FAM120A: variants seen among roughly 807,000 people sequenced by gnomAD.
FAM120A encodes family with sequence similarity 120 member A.
In FAM120A, 15 loss-of-function variants were observed where a neutral mutation model predicts 109.7. That is an observed-to-expected ratio of 0.14 (90% CI 0.09 to 0.21). The LOEUF is 0.21. Ranked by LOEUF, FAM120A falls within the 10% of genes least tolerant of loss-of-function variation. FAM120A has a pLI of 1.00. For missense variants in FAM120A, 899 were observed against 1,439.3 expected (o/e 0.62, Z 6.07); for synonymous variants, 493 against 572.8 (o/e 0.86, Z 1.99).
chr9:93,562,303 A>T lies in FAM120A; in HGVS notation c.3044A>T (p.Gln1015Leu), dbSNP rs748485080. The T allele has an allele frequency of 6.2e-7, 1 of 1,612,490 alleles. No homozygotes were observed. Among genetic ancestry groups the T allele is most frequent in the South Asian group, 1.1e-5 (1 of 91,014 alleles). Residue 1015 changes from glutamine to leucine, a missense_variant and splice_region_variant, in exon 17 of 18, where the codon CAG (glutamine) becomes CTG (leucine). By Grantham distance (113) the Gln-to-Leu change is moderately radical. Transcript: ENST00000277165. ...GGTTACAAAAACCAGGCAGCAATTC[A>T]GGTAAGAAGACAACATGATGTTTGT... ...GRGYKNQAAI[Q>L]GRPPYAASAE...
chr9:93,452,098 C>T lies in FAM120A; in HGVS notation c.183C>T (p.Phe61=). The T allele has an allele frequency of 6.2e-7, 1 of 1,609,662 alleles. No individual in the cohort carries two copies. Among genetic ancestry groups the T allele is most frequent in the Non-Finnish European group, 8.5e-7 (1 of 1,179,132 alleles). ...DNCLHRLYGG[F]YTDWVSGGQW... is the part of the protein sequence containing the mutation. ...GCCTGCACCGCCTCTACGGCGGCTT[C>T]TACACCGACTGGGTCAGCGGCGGCC... The change falls in exon 1 of 18, where the codon TTC becomes TTT. Residue 61 remains phenylalanine (F), a synonymous_variant. Transcript: ENST00000277165. The surrounding 1 kb of genome is among the most constrained non-coding windows in gnomAD (Gnocchi z 7.0).
intron 3 of FAM120A, among the ~76,000 whole-genome samples, chr9:93,479,249 C>T (rs1240683420): frequency 6.6e-6 from 1 of 151,856 alleles, no homozygotes; most frequent in East Asian, 1.9e-4. Flanking sequence ...CAGGCGCCCG[C>T]CACTACGCCC....
At chr9:93,561,346 T>C in intron 16 of FAM120A, 96 bp downstream of exon 16, 1 of 1,081,324 alleles carries the variant, frequency 9.2e-7, no homozygotes. Context: ...CATTTTTATA[T>C]CATTAGATAC....
chr9:93,455,289 G>A (rs1319048044), intron 1 of FAM120A, among the ~76,000 whole-genome samples: 1 of 152,162 alleles, frequency 6.6e-6, no homozygotes, highest in Non-Finnish European at 1.5e-5. Flanking sequence ...GTTCAAAAGG[G>A]ATGATTATAA....
At chr9:93,535,658 T>G (rs1861488205) in intron 10 of FAM120A, among the ~76,000 whole-genome samples, 1 of 152,316 alleles carries the variant, frequency 6.6e-6, no homozygotes, top group Admixed American at 6.5e-5. Flanking sequence ...AAATTGAACT[T>G]GTTTCATGCG....
intron 3 of FAM120A, among the ~76,000 whole-genome samples, chr9:93,488,563 C>A (rs1000595892): frequency 2.0e-5 from 3 of 152,152 alleles, no homozygotes; most frequent in Non-Finnish European, 4.4e-5. Context: ...AAGTCCCCTT[C>A]ACTGAGCTCT....
intron 3 of FAM120A, among the ~76,000 whole-genome samples, chr9:93,493,707 C>T (rs1859439147): frequency 6.6e-6 from 1 of 152,232 alleles, no homozygotes; most frequent in African/African-American, 2.4e-5. Flanking sequence ...CAAGCCCTCA[C>T]ATGGTGACCT....
chr9:93,467,583 G>A (rs1564309974), intron 1 of FAM120A, among the ~76,000 whole-genome samples: 2 of 152,142 alleles, frequency 1.3e-5, no homozygotes, highest in African/African-American at 4.8e-5. Flanking sequence ...AGGCCAGGTT[G>A]GGAGTGGTCC....
intron 3 of FAM120A, among the ~76,000 whole-genome samples, chr9:93,488,497 T>A (rs1859168348): frequency 1.3e-5 from 2 of 152,036 alleles, no homozygotes; most frequent in Admixed American, 6.6e-5. Context: ...ATTCTCACAC[T>A]CTCCTGGCAG....
chr9:93,473,586 A>C (rs900091043), intron 2 of FAM120A, among the ~76,000 whole-genome samples: 7 of 152,254 alleles, frequency 4.6e-5, no homozygotes, highest in Admixed American at 2.0e-4. Flanking sequence ...TGCTGGGATT[A>C]CAGGCATGAG....
intron 1 of FAM120A, among the ~76,000 whole-genome samples, chr9:93,469,488 T>G (rs1858211265): frequency 6.6e-6 from 1 of 152,244 alleles, no homozygotes; most frequent in Non-Finnish European, 1.5e-5. Context: ...CAGTAATTTC[T>G]AATGATTTTA....
intron 10 of FAM120A, among the ~76,000 whole-genome samples, chr9:93,542,059 T>C (rs1052320899): frequency 1.3e-5 from 2 of 152,224 alleles, no homozygotes; most frequent in Admixed American, 1.3e-4. Flanking sequence ...AGGTATTACT[T>C]TAGAGAAGAC....
chr9:93,558,037 G>A, intron 14 of FAM120A, 27 bp downstream of exon 14: 1 of 1,548,320 alleles, frequency 6.5e-7, no homozygotes, highest in South Asian at 1.2e-5. Context: ...GTATTCCTGT[G>A]GGTAACAGAT....
intron 5 of FAM120A, among the ~76,000 whole-genome samples, chr9:93,508,285 T>G (rs916598946): frequency 3.9e-5 from 6 of 152,214 alleles, no homozygotes; most frequent in African/African-American, 1.4e-4. Flanking sequence ...TACACAGTGA[T>G]GAGCAACCTG....
chr9:93,562,665 CTTTTTTT>C (rs535421624), intron 17 of FAM120A, among the ~76,000 whole-genome samples: 9 of 134,984 alleles, frequency 6.7e-5, no homozygotes, highest in African/African-American at 2.2e-4. Flanking sequence ...CTTTCTTTTT[CTTTTTTT>C]TTTTTTTTTT....
intron 7 of FAM120A, among the ~76,000 whole-genome samples, chr9:93,520,572 C>T (rs944499593): frequency 6.6e-6 from 1 of 152,348 alleles, no homozygotes; most frequent in Admixed American, 6.5e-5. Flanking sequence ...TGGCTGTCGC[C>T]ACTGAGCATT....
At chr9:93,543,104 G>T in intron 10 of FAM120A, 118 bp from the exon 11 acceptor site, 1 of 1,248,698 alleles carries the variant, frequency 8.0e-7, no homozygotes, top group Non-Finnish European at 1.1e-6. Context: ...AGGAGAGAAT[G>T]CATTGTTACC....
chr9:93,518,466 C>T (rs954958150), intron 7 of FAM120A, among the ~76,000 whole-genome samples: 1 of 152,148 alleles, frequency 6.6e-6, no homozygotes, highest in Non-Finnish European at 1.5e-5. Flanking sequence ...TGAATGAGGA[C>T]CCCGGGACCT....
intron 7 of FAM120A, among the ~76,000 whole-genome samples, chr9:93,516,757 T>C (rs1309177814): frequency 6.6e-6 from 1 of 152,192 alleles, no homozygotes; most frequent in Non-Finnish European, 1.5e-5. Context: ...GAAAGCTGCC[T>C]AGACCCAGGC....
Sources: allele counts gnomAD v4.1 joint callset (sites outside exome capture counted in the v4.1 genomes callset), GRCh38; gene constraint gnomAD v4.1.1; non-coding constraint Gnocchi (gnomAD v3.1); transcripts MANE v1.5; gene names NCBI Gene and HGNC (gene_info 2026-07-23, HGNC 2026-07-21).